FAT3: variants seen among roughly 807,000 people sequenced by gnomAD.
FAT3 encodes FAT atypical cadherin 3.
In FAT3, 95 loss-of-function variants were observed where a neutral mutation model predicts 310.2. That is an observed-to-expected ratio of 0.31 (90% CI 0.26 to 0.36). The LOEUF (loss-of-function observed/expected upper bound fraction) is 0.36. Ranked by LOEUF, FAT3 falls within the 10% of genes least tolerant of loss-of-function variation. The pLI is 1.00. For missense variants in FAT3, 5,408 were observed against 5,715.6 expected (o/e 0.95, Z 1.74); for synonymous variants, 2,314 against 2,192.9 (o/e 1.06, Z -1.54).
chr11:92,310,200 TAAG>T (rs1310853805), intron 1 of FAT3, among the ~76,000 whole-genome samples: 1 of 152,194 alleles, frequency 6.6e-6, no homozygotes, highest in Admixed American at 6.5e-5. Context: ...TATCCCAAGA[TAAG>T]AATATTTTAC....
intron 2 of FAT3, among the ~76,000 whole-genome samples, chr11:92,423,267 T>C (rs1950567149): frequency 6.6e-6 from 1 of 152,138 alleles, no homozygotes; most frequent in Non-Finnish European, 1.5e-5. Context: ...GATCATGCCA[T>C]GAAGTTAGTC....
intron 13 of FAT3, among the ~76,000 whole-genome samples, chr11:92,820,876 T>G (rs1947948231): frequency 6.6e-6 from 1 of 152,180 alleles, no homozygotes; most frequent in African/African-American, 2.4e-5. Context: ...TATCCACACA[T>G]CCTTAAGATT....
At chr11:92,340,111 CAAAAAAAA>C (rs56378818) in intron 1 of FAT3, among the ~76,000 whole-genome samples, 1 of 49,152 alleles carries the variant, frequency 2.0e-5, no homozygotes, top group African/African-American at 7.8e-5. Context: ...GACTCCATCT[CAAAAAAAA>C]AAAAAAAAAA....
In FAT3 at chr11:92,492,291, T is replaced by TCATCCATC. The variant is rs1345125475; in HGVS notation, c.3293-32331_3293-32324dup. Among the ~76,000 whole-genome samples, 235 of 135,142 alleles carry TCATCCATC rather than the reference T, an allele frequency of 1.7e-3. 1 individual carries two copies. Among genetic ancestry groups the TCATCCATC allele is most frequent in the African/African-American group, 6.6e-3 (225 of 34,006 alleles). 88.7% of individuals were successfully genotyped at this position (135,142 alleles called of 152,430 possible). On this transcript the variant is annotated intron_variant, in intron 2 of 27. Coordinates refer to ENST00000525166, the MANE Select transcript of FAT3 (RefSeq NM_001367949.2). ...TCCATCCATCCATCCATCCATCCAT[T>TCATCCATC]CATCCATCCATCCATCCATGCTCAC...
At chr11:92,834,846 A>G (rs1305180462) in intron 14 of FAT3, 24 bp from the exon 15 acceptor site, 2 of 1,556,858 alleles carry the variant, frequency 1.3e-6, no homozygotes, top group South Asian at 2.4e-5. Context: ...AATGAAATAT[A>G]AAGCTCCCCA....
chr11:92,736,427 T>C (rs1239319244), intron 4 of FAT3, among the ~76,000 whole-genome samples: 1 of 152,110 alleles, frequency 6.6e-6, no homozygotes, highest in Admixed American at 6.6e-5. Flanking sequence ...ATGATTCCCA[T>C]TGATTCAGTA....
chr11:92,889,405 A>G (rs900927125), intron 26 of FAT3, among the ~76,000 whole-genome samples, 157 bp downstream of exon 26: 1 of 36,400 alleles, frequency 2.7e-5, no homozygotes, highest in Non-Finnish European at 4.6e-5. Context: ...AAAATTTTGA[A>G]AAAAAAAAAA....
intron 1 of FAT3, among the ~76,000 whole-genome samples, chr11:92,313,505 T>C (rs58399913): frequency 0.029 from 4,358 of 152,330 alleles, 225 homozygotes; most frequent in African/African-American, 0.099. Context: ...TTCTTTTTAA[T>C]GTGTTACTGA....
chr11:92,769,690 C>T (rs1946412820), intron 6 of FAT3, among the ~76,000 whole-genome samples: 1 of 152,244 alleles, frequency 6.6e-6, no homozygotes, highest in South Asian at 2.1e-4. Context: ...ATCTCGCCTA[C>T]TGTAAGGCTG....
At chr11:92,415,435 T>A (rs1950386186) in intron 2 of FAT3, among the ~76,000 whole-genome samples, 1 of 152,174 alleles carries the variant, frequency 6.6e-6, no homozygotes, top group African/African-American at 2.4e-5. Context: ...TGGGAACAGA[T>A]GCTTCAGGCC....
intron 3 of FAT3, among the ~76,000 whole-genome samples, chr11:92,549,858 A>G (rs1954743511): frequency 6.6e-6 from 1 of 152,146 alleles, no homozygotes; most frequent in South Asian, 2.1e-4. Flanking sequence ...GATACCCAAC[A>G]TTTTTTAGTA....
At chr11:92,248,956 A>G (rs1865036573) in intron 1 of FAT3, among the ~76,000 whole-genome samples, 1 of 152,132 alleles carries the variant, frequency 6.6e-6, no homozygotes, top group South Asian at 2.1e-4. Context: ...GTTCGGAGAA[A>G]GTGAATGGAT....
chr11:92,574,960 T>G (rs1463837568), intron 3 of FAT3, among the ~76,000 whole-genome samples: 6 of 152,130 alleles, frequency 3.9e-5, no homozygotes, highest in Non-Finnish European at 8.8e-5. Context: ...GGAATAGGAA[T>G]TAAAAGCTGC....
intron 4 of FAT3, among the ~76,000 whole-genome samples, chr11:92,743,775 G>A (rs1295251231): frequency 1.3e-5 from 2 of 152,232 alleles, no homozygotes; most frequent in Non-Finnish European, 2.9e-5. Flanking sequence ...TGCTATGAAT[G>A]GATTTATTGG....
intron 22 of FAT3, among the ~76,000 whole-genome samples, chr11:92,868,435 T>A (rs1949300960): frequency 6.6e-6 from 1 of 152,218 alleles, no homozygotes; most frequent in African/African-American, 2.4e-5. Context: ...AAAGGGTTGT[T>A]ATGGTGCCAT....
intron 1 of FAT3, among the ~76,000 whole-genome samples, chr11:92,301,627 T>C (rs189810995): frequency 2.0e-4 from 31 of 152,298 alleles, no homozygotes; most frequent in South Asian, 6.2e-4. Context: ...GGGACACTTA[T>C]ACCCATTAGT....
chr11:92,810,727 T>C lies in FAT3; in HGVS notation c.9481+651T>C, dbSNP rs16918114. Among the ~76,000 whole-genome samples, 599 of 152,230 alleles carry C rather than the reference T, an allele frequency of 3.9e-3. 3 individuals carry two copies. The highest frequency in any genetic ancestry group is 0.013 in the African/African-American group (557 of 41,538). ...CTCAGATCCACTTTACATAATGAGATGGTGAGTTAGAAAAGACTGGAGTTA... is the reference window on the plus strand; with the variant it reads ...CTCAGATCCACTTTACATAATGAGACGGTGAGTTAGAAAAGACTGGAGTTA... On this transcript the variant is annotated intron_variant, in intron 13 of 27. Coordinates refer to ENST00000525166, the MANE Select transcript of FAT3 (RefSeq NM_001367949.2).
intron 7 of FAT3, among the ~76,000 whole-genome samples, chr11:92,789,299 A>G (rs1946977650): frequency 6.6e-6 from 1 of 152,210 alleles, no homozygotes; most frequent in South Asian, 2.1e-4. Flanking sequence ...TGAGTGATAC[A>G]TACTTGAGTG....
intron 2 of FAT3, among the ~76,000 whole-genome samples, chr11:92,523,492 T>A (rs914692097): frequency 2.6e-5 from 4 of 152,182 alleles, no homozygotes; most frequent in Non-Finnish European, 5.9e-5. Context: ...GATGCCCTCC[T>A]CTCTCCCCGT....
Sources: gnomAD v4.1 joint callset for allele counts (sites outside exome capture counted in the v4.1 genomes callset) on GRCh38, gnomAD v4.1.1 for gene constraint, MANE v1.5 for transcripts, NCBI Gene and HGNC (gene_info 2026-07-23, HGNC 2026-07-21) for gene names.